Variants in GPD2 observed in about 807,000 individuals in gnomAD.
GPD2 encodes the protein glycerol-3-phosphate dehydrogenase, mitochondrial.
GPD2 carries 54 observed loss-of-function variants against 82.4 expected under a neutral mutation model. The ratio of observed to expected loss-of-function variants is 0.66; its 90% confidence interval spans 0.53 to 0.82. GPD2 has a LOEUF of 0.82. GPD2 is among the 40% of genes least tolerant of loss of function. GPD2 has a pLI of 0.00. For missense variants in GPD2, 748 were observed against 896.2 expected, an observed-to-expected ratio of 0.83 and a Z score of 2.11; for synonymous variants, 288 against 306.1, an observed-to-expected ratio of 0.94 and a Z score of 0.62.
At chr2:156,412,437 T>TAAAAAAA in the GPD2 span, among the ~76,000 whole-genome samples, 1 of 143,150 alleles carries the variant, frequency 7.0e-6, no homozygotes, top group Non-Finnish European at 1.5e-5. Context: ...ACTTCGTCTG[T>TAAAAAAA]AAAAAAAAAA....
the GPD2 span, among the ~76,000 whole-genome samples, chr2:156,426,898 A>G: frequency 3.9e-5 from 6 of 152,232 alleles, no homozygotes. Context: ...GGCCTGATGC[A>G]GATTGGGCTT....
intron 6 of GPD2, among the ~76,000 whole-genome samples, chr2:156,530,690 A>G: frequency 6.6e-6 from 1 of 152,030 alleles, no homozygotes; most frequent in East Asian, 1.9e-4. Context: ...TGAGATAATC[A>G]TGTGGTTTTT....
chr2:156,551,923 A>G (rs986793431), intron 8 of GPD2, among the ~76,000 whole-genome samples: 1 of 152,190 alleles, frequency 6.6e-6, no homozygotes, highest in Non-Finnish European at 1.5e-5. Flanking sequence ...ATAATTTTCC[A>G]TAAAGGGAAT....
chr2:156,564,967 C>T (rs953119182), intron 9 of GPD2, among the ~76,000 whole-genome samples: 2 of 151,872 alleles, frequency 1.3e-5, no homozygotes, highest in Admixed American at 1.3e-4. Flanking sequence ...AAAATGGTAT[C>T]AATATAGATA....
At chr2:156,505,873 C>A (rs989945815) in intron 3 of GPD2, among the ~76,000 whole-genome samples, 1 of 152,192 alleles carries the variant, frequency 6.6e-6, no homozygotes, top group Non-Finnish European at 1.5e-5. Context: ...GAAAACTGAA[C>A]TCTTAATTTG....
the GPD2 span, among the ~76,000 whole-genome samples, chr2:156,416,612 C>T: frequency 6.6e-6 from 1 of 151,206 alleles, no homozygotes; most frequent in Non-Finnish European, 1.5e-5. Context: ...ATGCTCCCAC[C>T]TTGGCCTCCC....
At chr2:156,420,035 C>A in the GPD2 span, among the ~76,000 whole-genome samples, 1 of 152,146 alleles carries the variant, frequency 6.6e-6, no homozygotes, top group Non-Finnish European at 1.5e-5. Context: ...TCCTACTATA[C>A]CTATCTGAAA....
intron 6 of GPD2, among the ~76,000 whole-genome samples, chr2:156,542,174 C>T (rs542394856): frequency 6.6e-6 from 1 of 152,168 alleles, no homozygotes; most frequent in Non-Finnish European, 1.5e-5. Flanking sequence ...AGATCCACCC[C>T]GATTGCTAAT....
chr2:156,415,983 T>G, the GPD2 span, among the ~76,000 whole-genome samples: 2 of 95,406 alleles, frequency 2.1e-5, no homozygotes, highest in African/African-American at 6.2e-5. Context: ...ATCCCGCCAC[T>G]GCACTCCAGC....
At chr2:156,421,899 G>A in the GPD2 span, among the ~76,000 whole-genome samples, 1 of 152,190 alleles carries the variant, frequency 6.6e-6, no homozygotes, top group Non-Finnish European at 1.5e-5. Flanking sequence ...GCTGAAGAGG[G>A]AGGAAGGCTT....
chr2:156,471,518 C>G (rs1415645284), intron 1 of GPD2, among the ~76,000 whole-genome samples: 1 of 152,174 alleles, frequency 6.6e-6, no homozygotes, highest in Non-Finnish European at 1.5e-5. Flanking sequence ...TCTAGCTGTA[C>G]ATCATCTCCA....
intron 6 of GPD2, among the ~76,000 whole-genome samples, chr2:156,521,581 AG>A (rs1336972031): frequency 1.3e-5 from 2 of 152,220 alleles, no homozygotes; most frequent in Non-Finnish European, 2.9e-5. Flanking sequence ...AATATTCCAA[AG>A]TGAAGCATCA....
chr2:156,479,578 T>C (rs1188803855), intron 2 of GPD2, among the ~76,000 whole-genome samples: 9 of 152,248 alleles, frequency 5.9e-5, no homozygotes, highest in Admixed American at 6.5e-5. Context: ...AGGGTTGTTA[T>C]AGCCTAAGGA....
rs2105377604 is a variant in GPD2 at position 156,578,928 on chromosome 2, A to G, written c.1807A>G (p.Met603Val). Residue 603 changes from methionine to valine, a missense_variant, in exon 14 of 17, where the codon ATG becomes GTG. By Grantham distance (21) the Met-to-Val change is conservative (BLOSUM62 1). Transcript: ENST00000438166. The stretch of plus-strand genomic sequence containing the variant: ...AGCCAGGAAGTTTCTATATTATGAA[A>G]TGGGCTATAAATCTCGATCAGAACA... The part of the protein sequence containing the change: ...ETARKFLYYE[M>V]GYKSRSEQLT... 2 of 1,611,610 alleles carry G rather than the reference A, an allele frequency of 1.2e-6. No homozygotes were observed. Among genetic ancestry groups the G allele is most frequent in the East Asian group, 2.2e-5 (1 of 44,792 alleles).
chr2:156,416,689 G>A, the GPD2 span, among the ~76,000 whole-genome samples: 1 of 151,894 alleles, frequency 6.6e-6, no homozygotes, highest in African/African-American at 2.4e-5. Context: ...ACTTTTATGT[G>A]TCACTCTTTC....
chr2:156,501,109 T>C (rs1322509310), intron 3 of GPD2, among the ~76,000 whole-genome samples: 1 of 152,162 alleles, frequency 6.6e-6, no homozygotes, highest in Non-Finnish European at 1.5e-5. Flanking sequence ...TATCTGGGAT[T>C]ATCTAGTACA....
In GPD2 at chr2:156,571,282, A is replaced by G. The variant is rs1687631518; in HGVS notation, c.1757A>G (p.Tyr586Cys). ...GGCAGGGAACTGAATTGGGATGATTATAAGAAGCAGGTATTATATAGAAGT... is the reference window on the plus strand; with the variant it reads ...GGCAGGGAACTGAATTGGGATGATTGTAAGAAGCAGGTATTATATAGAAGT... ...LMGRELNWDD[Y>C]KKQEQLETAR... Residue 586 changes from tyrosine to cysteine, a missense_variant, in exon 13 of 17, where the codon TAT becomes TGT. Physicochemically the swap from Tyr to Cys is radical, Grantham distance 194. Coordinates refer to ENST00000438166, the MANE Select transcript of GPD2 (RefSeq NM_000408.5). 1 of 1,603,528 alleles carries G rather than the reference A, an allele frequency of 6.2e-7. No individual in the cohort carries two copies. Among genetic ancestry groups the G allele is most frequent in the Non-Finnish European group, 8.5e-7 (1 of 1,173,760 alleles).
chr2:156,417,314 C>A, the GPD2 span, among the ~76,000 whole-genome samples: 16 of 151,972 alleles, frequency 1.1e-4, no homozygotes, highest in African/African-American at 3.9e-4. Context: ...GGTGAGTGAT[C>A]AATAAAAAAG....
At chr2:156,540,607 T>C (rs1187839187) in intron 6 of GPD2, among the ~76,000 whole-genome samples, 1 of 152,228 alleles carries the variant, frequency 6.6e-6, no homozygotes, top group Non-Finnish European at 1.5e-5. Context: ...TAATATAGAT[T>C]TCCTTTATGA....
Sources: allele counts gnomAD v4.1 joint callset (sites outside exome capture counted in the v4.1 genomes callset), GRCh38; gene constraint gnomAD v4.1.1; transcripts MANE v1.5; gene names NCBI Gene and HGNC (gene_info 2026-07-23, HGNC 2026-07-21).